The following ACSL3 variants were observed in gnomAD, a reference collection of about 807,000 sequenced individuals.
ACSL3 encodes the protein acyl-CoA synthetase long chain family member 3.
Under a neutral mutation model 84.7 loss-of-function variants are expected in ACSL3, and 34 were observed. The ratio of observed to expected loss-of-function variants is 0.40; its 90% CI spans 0.31 to 0.53. The LOEUF (loss-of-function observed/expected upper bound fraction) is 0.53. ACSL3 is among the 20% of genes least tolerant of loss of function. The pLI, the probability that ACSL3 is intolerant of heterozygous loss-of-function variation, is 0.48. For missense variants in ACSL3, 680 were observed against 873.1 expected (o/e 0.78, Z 2.79); for synonymous variants, 315 against 299.4 (o/e 1.05, Z -0.54).
At chr2:222,894,379 TAAATAACTCTTTGATCTAATGC>T (rs1695918560) in intron 2 of ACSL3, among the ~76,000 whole-genome samples, 1 of 152,270 alleles carries the variant, frequency 6.6e-6, no homozygotes. Context: ...ATATAAGATG[TAAATAACTCTTTGATCTAATGC>T]AACTGACCAT....
intron 6 of ACSL3, 88 bp from the exon 7 acceptor site, chr2:222,918,976 A>G: frequency 1.4e-6 from 2 of 1,480,820 alleles, no homozygotes; most frequent in South Asian, 2.7e-5. Flanking sequence ...AAATTACTTA[A>G]TGATTCACCG....
chr2:222,870,115 T>C (rs1281600141), intron 1 of ACSL3, among the ~76,000 whole-genome samples: 1 of 151,862 alleles, frequency 6.6e-6, no homozygotes, highest in Non-Finnish European at 1.5e-5. Flanking sequence ...TTTTTTTTTT[T>C]TTTGGTCTGT....
chr2:222,879,733 A>G (rs917393406), intron 1 of ACSL3, among the ~76,000 whole-genome samples: 1 of 152,080 alleles, frequency 6.6e-6, no homozygotes, highest in Non-Finnish European at 1.5e-5. Context: ...GGATGCACAC[A>G]TTTGCCGTAG....
intron 14 of ACSL3, 158 bp from the exon 15 acceptor site, chr2:222,933,008 C>A: frequency 2.1e-6 from 1 of 486,414 alleles, no homozygotes. Context: ...TTAATATGTG[C>A]TTTTAATTTC....
At chr2:222,915,002 A>G (rs1345788641) in intron 4 of ACSL3, among the ~76,000 whole-genome samples, 1 of 152,244 alleles carries the variant, frequency 6.6e-6, no homozygotes. Context: ...TTTAGATTAT[A>G]TATCAAACAC....
At chr2:222,912,563 A>G (rs995057991) in intron 4 of ACSL3, among the ~76,000 whole-genome samples, 1 of 152,196 alleles carries the variant, frequency 6.6e-6, no homozygotes, top group Admixed American at 6.5e-5. Context: ...TTTGAGTAAG[A>G]CTTTTGGGGA....
chr2:222,921,142 A>C (rs1221521323), intron 7 of ACSL3, 138 bp from the exon 8 acceptor site: 1 of 918,446 alleles, frequency 1.1e-6, no homozygotes, highest in East Asian at 2.6e-5. Context: ...TGTTGATCTC[A>C]GTATAACTAA....
chr2:222,941,861 A>G lies in ACSL3; in HGVS notation c.*207A>G. ...CTCTTCTTTCATTTTCCCCGCCACCAACTTACTTTACCACCTATGACTGTA... is the reference window on the plus strand; with the variant it reads ...CTCTTCTTTCATTTTCCCCGCCACCGACTTACTTTACCACCTATGACTGTA... On this transcript the variant is annotated 3_prime_UTR_variant, in exon 17 of 17. Coordinates refer to ENST00000357430, the MANE Select transcript of ACSL3 (RefSeq NM_004457.5). 1 of 496,710 alleles carries G rather than the reference A, an allele frequency of 2.0e-6. No individual in the cohort carries two copies. The highest frequency in any genetic ancestry group is 3.4e-6 in the Non-Finnish European group (1 of 293,394). 30.8% of individuals were successfully genotyped at this position (496,710 alleles called of 1,614,324 possible).
intron 2 of ACSL3, among the ~76,000 whole-genome samples, chr2:222,894,217 C>G (rs1695914675): frequency 6.6e-6 from 1 of 152,178 alleles, no homozygotes; most frequent in Admixed American, 6.5e-5. Context: ...TTTCATAACA[C>G]AAGATCTGAA....
At chr2:222,925,498 TAGGAGG>T (rs1022253597) in intron 11 of ACSL3, among the ~76,000 whole-genome samples, 2 of 151,890 alleles carry the variant, frequency 1.3e-5, no homozygotes, top group Admixed American at 6.6e-5. Flanking sequence ...GGGACTGAAG[TAGGAGG>T]ATTGTTTGGG....
chr2:222,865,593 T>C (rs969257788), intron 1 of ACSL3, among the ~76,000 whole-genome samples: 6 of 152,210 alleles, frequency 3.9e-5, no homozygotes, highest in African/African-American at 9.7e-5. Flanking sequence ...GCAAATATAT[T>C]ACAGGATGGT....
intron 5 of ACSL3, 50 bp from the exon 6 acceptor site, chr2:222,917,996 T>G: frequency 7.5e-7 from 1 of 1,325,324 alleles, no homozygotes; most frequent in Non-Finnish European, 1.1e-6. Flanking sequence ...AGACTTTACA[T>G]TTGTAGTTAA....
intron 13 of ACSL3, among the ~76,000 whole-genome samples, chr2:222,929,378 A>C (rs1325667428): frequency 6.6e-6 from 1 of 152,120 alleles, no homozygotes; most frequent in Non-Finnish European, 1.5e-5. Flanking sequence ...AAGTCTGTTT[A>C]TTCTCATGCC....
At chr2:222,872,930 A>G (rs1048655879) in intron 1 of ACSL3, among the ~76,000 whole-genome samples, 1 of 152,122 alleles carries the variant, frequency 6.6e-6, no homozygotes, top group Non-Finnish European at 1.5e-5. Flanking sequence ...ATGAAGCTGG[A>G]TGCAAAAATA....
chr2:222,938,383 A>G (rs1335060239), intron 16 of ACSL3, among the ~76,000 whole-genome samples: 2 of 152,152 alleles, frequency 1.3e-5, no homozygotes, highest in Non-Finnish European at 2.9e-5. Flanking sequence ...TTGTTTATCA[A>G]GGAGTCTTAA....
chr2:222,866,755 C>CCCCCCCCCA, intron 1 of ACSL3, among the ~76,000 whole-genome samples: 1 of 65,610 alleles, frequency 1.5e-5, no homozygotes, highest in Non-Finnish European at 3.4e-5. Context: ...CCCCCCCCGC[C>CCCCCCCCCA]CCCCCCCCCC....
intron 8 of ACSL3, 148 bp downstream of exon 8, chr2:222,921,578 T>TA: frequency 1.4e-6 from 1 of 725,838 alleles, no homozygotes; most frequent in Non-Finnish European, 2.1e-6. Context: ...AAAAGGACAT[T>TA]AAAATTAATG....
At chr2:222,929,708 G>T (rs1172724718) in intron 13 of ACSL3, among the ~76,000 whole-genome samples, 2 of 151,952 alleles carry the variant, frequency 1.3e-5, no homozygotes, top group Non-Finnish European at 2.9e-5. Context: ...AACCCGGGAG[G>T]TGGAGGTTGC....
intron 4 of ACSL3, among the ~76,000 whole-genome samples, chr2:222,915,369 C>T (rs903713651): frequency 6.6e-6 from 1 of 152,058 alleles, no homozygotes; most frequent in Non-Finnish European, 1.5e-5. Context: ...TATCCTTTTC[C>T]GTTTTTATCC....
Sources: allele counts gnomAD v4.1 joint callset (sites outside exome capture counted in the v4.1 genomes callset), GRCh38; gene constraint gnomAD v4.1.1; transcripts MANE v1.5; gene names NCBI Gene and HGNC (gene_info 2026-07-23, HGNC 2026-07-21).